Variants in UBR4 observed in about 807,000 individuals in gnomAD.
UBR4 encodes the protein ubiquitin protein ligase E3 component n-recognin 4.
UBR4 carries 124 observed loss-of-function variants against 575.6 expected under a neutral mutation model. The observed-to-expected ratio is 0.22, with a 90% confidence interval of 0.19 to 0.25. The LOEUF is 0.25. Ranked by LOEUF, UBR4 falls within the 10% of genes least tolerant of loss-of-function variation. UBR4 has a pLI of 1.00. For synonymous variants in UBR4, 2,455 were observed against 2,473.7 expected (o/e 0.99, Z 0.22); for missense variants, 4,818 against 6,478.8 (o/e 0.74, Z 8.80).
chr1:19,153,211 TCA>T lies in UBR4; in HGVS notation c.6832+88_6832+89del. On this transcript the variant is annotated intron_variant, in intron 46 of 105. Coordinates refer to ENST00000375254, the MANE Select transcript of UBR4 (RefSeq NM_020765.3). This position sits in a 1 kb window ranked among gnomAD's most constrained non-coding sequence, Gnocchi z 4.1. ...GTGCAAGTAGGACAGTCACATTTCTTCACAGATATTTTCAACAGTCTATTCTG... is the reference window on the plus strand; with the variant it reads ...GTGCAAGTAGGACAGTCACATTTCTTCAGATATTTTCAACAGTCTATTCTG... 7.2e-7 allele frequency: 1 copy of T among 1,390,358 alleles called. No homozygotes were observed. Among genetic ancestry groups the T allele is most frequent in the East Asian group, 2.3e-5 (1 of 43,390 alleles). 86.1% of individuals were successfully genotyped at this position (1,390,358 alleles called of 1,614,324 possible).
At position 19,122,019 on chromosome 1, in the gene UBR4, T is replaced by C. The variant is rs555109657; in HGVS notation, c.9817-7A>G. On this transcript the variant is annotated splice_polypyrimidine_tract_variant and splice_region_variant and intron_variant, in intron 66 of 105. Coordinates refer to ENST00000375254, the MANE Select transcript of UBR4 (RefSeq NM_020765.3). Reference sequence around the variant, plus strand: ...AGGCTTTCAGGTGCTCCATCTGAAATAGGAACCAACCACGGGAAAGGAGTA... The same window carrying C: ...AGGCTTTCAGGTGCTCCATCTGAAACAGGAACCAACCACGGGAAAGGAGTA... The C allele has an allele frequency of 4.8e-5, 78 of 1,613,926 alleles. No individual in the cohort carries two copies. The South Asian group carries it at 7.4e-4, about 15-fold the overall frequency.
chr1:19,197,791 G>A lies in UBR4; in HGVS notation c.772C>T (p.Arg258Cys), dbSNP rs766146836. The A allele has an allele frequency of 1.3e-5, 21 of 1,613,996 alleles. No homozygotes were observed. The highest frequency in any genetic ancestry group is 1.7e-5 in the Non-Finnish European group (20 of 1,180,034). Residue 258 changes from arginine (R) to cysteine (C), a missense_variant, in exon 7 of 106, where the codon CGT becomes TGT. Around this residue, in one of 29 missense-constraint regions of UBR4, gnomAD observed 131 missense variants for 214.5 expected, o/e 0.61. Coordinates refer to ENST00000375254, the MANE Select transcript of UBR4 (RefSeq NM_020765.3). ...QELGGSEKLL[R>C]VCLNLPYFLR... is the part of the protein sequence containing the mutation. ...AAATATGGCAGGTTCAAACATACAC[G>A]CAGTAGCTTCTCCGAGCCACCTAAA...
At chr1:19,118,186 C>A in intron 71 of UBR4, 1 of 345,520 alleles carries the variant, frequency 2.9e-6, no homozygotes, top group Admixed American at 4.5e-5. Flanking sequence ...TCAAGAGTCA[C>A]AATTAAATTT....
intron 102 of UBR4, among the ~76,000 whole-genome samples, chr1:19,083,808 C>T (rs1020718871): frequency 2.0e-5 from 3 of 152,194 alleles, no homozygotes; most frequent in Non-Finnish European, 4.4e-5. Context: ...CGTGAGCCAC[C>T]GTGCCTGGCC....
At chr1:19,209,680 T>C (rs2093210378) in intron 1 of UBR4, among the ~76,000 whole-genome samples, 1 of 152,148 alleles carries the variant, frequency 6.6e-6, no homozygotes, top group African/African-American at 2.4e-5. Flanking sequence ...GTTATTAAAT[T>C]ATACCGTACG....
chr1:19,165,146 C>T (rs554721793), intron 31 of UBR4, 103 bp downstream of exon 31: 38 of 1,474,928 alleles, frequency 2.6e-5, no homozygotes, highest in Non-Finnish European at 3.4e-5. Flanking sequence ...TCTCTCCACT[C>T]GTTAGCATTT....
At chr1:19,120,747 C>T (rs2081083647) in intron 68 of UBR4, among the ~76,000 whole-genome samples, 1 of 152,162 alleles carries the variant, frequency 6.6e-6, no homozygotes, top group African/African-American at 2.4e-5. Flanking sequence ...TGTGAACCAC[C>T]ACCATGGCTC....
intron 92 of UBR4, 100 bp from the exon 93 acceptor site, chr1:19,095,752 C>G: frequency 9.7e-7 from 1 of 1,034,030 alleles, no homozygotes; most frequent in Non-Finnish European, 1.5e-6. Flanking sequence ...ACACCATCAG[C>G]AGGGGCTCCT....
At chr1:19,160,687 T>G (rs1187942994) in intron 38 of UBR4, among the ~76,000 whole-genome samples, 3 of 152,232 alleles carry the variant, frequency 2.0e-5, no homozygotes, top group Non-Finnish European at 4.4e-5. Flanking sequence ...TACTCTACAG[T>G]ATGACACAAC....
At chr1:19,205,041 G>C (rs990527488) in intron 1 of UBR4, among the ~76,000 whole-genome samples, 1 of 152,198 alleles carries the variant, frequency 6.6e-6, no homozygotes, top group Admixed American at 6.5e-5. Context: ...AGATAGAGGT[G>C]AAAGTACATC....
rs368294843 is a variant in UBR4 at position 19,146,685 on chromosome 1, T to G, written c.7804+141A>C. On this transcript the variant is annotated intron_variant, in intron 52 of 105. Transcript: ENST00000375254. ...GTACAATCTCAATGTCAAAAGGCCC[T>G]ACAAGGTATAAAGACCAGGAAGCAA... is the stretch of plus-strand genomic sequence containing the variant. 3 of 1,119,818 alleles carry G rather than the reference T, an allele frequency of 2.7e-6. No homozygotes were observed. The Admixed American group carries it at 7.2e-5, about 27-fold the overall frequency. 69.4% of individuals were successfully genotyped at this position (1,119,818 alleles called of 1,614,324 possible).
At chr1:19,140,721 A>T in intron 58 of UBR4, 67 bp downstream of exon 58, 1 of 1,478,990 alleles carries the variant, frequency 6.8e-7, no homozygotes, top group Non-Finnish European at 9.2e-7. Context: ...TTACACTCTC[A>T]CAGCAGTGGA....
At chr1:19,138,605 A>T (rs1021791418) in intron 59 of UBR4, among the ~76,000 whole-genome samples, 4 of 152,178 alleles carry the variant, frequency 2.6e-5, no homozygotes, top group African/African-American at 9.7e-5. Context: ...GCCCCACCTC[A>T]TCAGCTAGTA....
rs771726746 is a variant in UBR4, at chr1:19,139,103, G to A, written c.8711C>T (p.Ser2904Leu). 6.2e-7 allele frequency: 1 copy of A among 1,613,136 alleles called. No homozygotes were observed. The highest frequency in any genetic ancestry group is 8.5e-7 in the Non-Finnish European group (1 of 1,179,428). Residue 2904 changes from serine to leucine, a missense_variant, in exon 59 of 106, where the codon TCA becomes TTA. By Grantham distance (145) the Ser-to-Leu change is moderately radical (BLOSUM62 -2). Coordinates refer to ENST00000375254, the MANE Select transcript of UBR4 (RefSeq NM_020765.3). The surrounding 1 kb of genome is among the most constrained non-coding windows in gnomAD (Gnocchi z 4.2). ...GSESGGSAVDSVAGEHSVSGR... is the reference protein window; with the variant it reads ...GSESGGSAVDLVAGEHSVSGR... ...ATTACCACTGTGCTCGCCAGCCACT[G>A]AGTCCACTGCACTGCCCCCGCTCTC... is the stretch of plus-strand genomic sequence containing the variant.
intron 86 of UBR4, 76 bp downstream of exon 86, chr1:19,104,509 C>G (rs2078982074): frequency 2.6e-6 from 4 of 1,511,466 alleles, no homozygotes; most frequent in African/African-American, 1.4e-5. Flanking sequence ...AGAGTCAACC[C>G]CAGCACCCAA....
At chr1:19,174,504 T>G in intron 21 of UBR4, 57 bp from the exon 22 acceptor site, 1 of 1,583,652 alleles carries the variant, frequency 6.3e-7, no homozygotes, top group Non-Finnish European at 8.5e-7. Context: ...TTTTTCCTAC[T>G]GCCTATACAC....
chr1:19,120,281 G>A lies in UBR4; in HGVS notation c.10209C>T (p.Ala3403=), dbSNP rs555570179. The stretch of plus-strand genomic sequence containing the variant: ...GGAACTGGATCAGGGTTTCCTTATC[G>A]GCAAATTTGTTCAGCTGGTTCACCA... ...TALVNQLNKF[A]DKETLIQFLR... is the part of the protein sequence containing the mutation. Residue 3403 remains alanine (A), a synonymous_variant, in exon 69 of 106, where the codon GCC becomes GCT. Coordinates refer to ENST00000375254, the MANE Select transcript of UBR4 (RefSeq NM_020765.3). 5.4e-5 allele frequency: 87 copies of A among 1,614,072 alleles called. No individual in the cohort carries two copies. Among genetic ancestry groups the A allele is most frequent in the South Asian group, 9.9e-5 (9 of 91,064 alleles).
chr1:19,117,750 G>A lies in UBR4; in HGVS notation c.10629+73C>T. On this transcript the variant is annotated intron_variant, in intron 72 of 105. Transcript: ENST00000375254. This position sits in a 1 kb window ranked among gnomAD's most constrained non-coding sequence, Gnocchi z 4.0. ...AGGAGAGGAACATCTATGTGATAATGATCCATCTCTGGAAACAAGAATCCC... is the reference window on the plus strand; with the variant it reads ...AGGAGAGGAACATCTATGTGATAATAATCCATCTCTGGAAACAAGAATCCC... 7.2e-7 allele frequency: 1 copy of A among 1,381,748 alleles called. No homozygotes were observed. Among genetic ancestry groups the A allele is most frequent in the Non-Finnish European group, 1.0e-6 (1 of 973,802 alleles). The allele number at this position is 1,381,748 out of a possible 1,614,324, so 85.6% of individuals were successfully genotyped here. A position where few individuals can be genotyped will look rare whatever the true frequency, so the allele number is the denominator to read the frequency against.
intron 60 of UBR4, among the ~76,000 whole-genome samples, chr1:19,129,276 C>G (rs2082162087): frequency 2.6e-5 from 4 of 152,118 alleles, no homozygotes; most frequent in Admixed American, 2.6e-4. Context: ...AGATCCCACT[C>G]TGTTAAAAGA....
Sources: gnomAD v4.1 joint callset for allele counts (sites outside exome capture counted in the v4.1 genomes callset) on GRCh38, gnomAD v4.1.1 for gene constraint, gnomAD v4.1.1 regional missense constraint, Gnocchi (gnomAD v3.1) non-coding constraint, MANE v1.5 for transcripts, NCBI Gene and HGNC (gene_info 2026-07-23, HGNC 2026-07-21) for gene names.